Variants in RAB6B observed in about 807,000 individuals in gnomAD.
RAB6B encodes ras-related protein Rab-6B.
RAB6B carries 7 observed loss-of-function variants against 31.2 expected under a neutral mutation model. That is an observed-to-expected ratio of 0.22 (90% confidence interval 0.13 to 0.42). RAB6B has a LOEUF of 0.42. RAB6B is among the 10% of genes least tolerant of loss of function. RAB6B has a pLI of 1.00. For missense variants in RAB6B, 149 were observed against 280.6 expected, an observed-to-expected ratio of 0.53 and a Z score of 3.35; for synonymous variants, 105 against 104.9, an observed-to-expected ratio of 1.00 and a Z score of -0.01.
chr3:133,870,598 G>A (rs1936310377), intron 1 of RAB6B, among the ~76,000 whole-genome samples: 1 of 152,130 alleles, frequency 6.6e-6, no homozygotes. Context: ...ACCATTAGAT[G>A]CTAGAGCTAT....
At chr3:133,891,563 A>G (rs1052251036) in intron 1 of RAB6B, among the ~76,000 whole-genome samples, 6 of 152,088 alleles carry the variant, frequency 3.9e-5, no homozygotes, top group African/African-American at 9.7e-5. Flanking sequence ...CCTTTACTGT[A>G]ATTATATCCA....
intron 2 of RAB6B, among the ~76,000 whole-genome samples, chr3:133,845,049 T>A (rs1193293744): frequency 6.6e-6 from 1 of 151,950 alleles, no homozygotes; most frequent in Non-Finnish European, 1.5e-5. Flanking sequence ...AACTCCCCAG[T>A]CCCACCAAAT....
chr3:133,864,079 A>G (rs1411532343), intron 2 of RAB6B, among the ~76,000 whole-genome samples: 1 of 149,384 alleles, frequency 6.7e-6, no homozygotes, highest in Non-Finnish European at 1.5e-5. Flanking sequence ...GGGCAAGCTC[A>G]TCGCACCAGC....
intron 2 of RAB6B, among the ~76,000 whole-genome samples, chr3:133,846,882 C>T (rs779057924): frequency 1.3e-5 from 2 of 152,136 alleles, no homozygotes; most frequent in Non-Finnish European, 2.9e-5. Context: ...AAAATGAAGA[C>T]AAAACATAAA....
chr3:133,834,472 G>T, intron 7 of RAB6B, 103 bp downstream of exon 7: 1 of 1,289,778 alleles, frequency 7.8e-7, no homozygotes, highest in Non-Finnish European at 1.1e-6. Context: ...ACCAGGGAAG[G>T]CTGGGCGGGG....
At chr3:133,848,920 A>C (rs1287589209) in intron 2 of RAB6B, among the ~76,000 whole-genome samples, 2 of 152,216 alleles carry the variant, frequency 1.3e-5, no homozygotes, top group African/African-American at 4.8e-5. Context: ...ACTGCCTCTA[A>C]GAGATAGCTC....
At chr3:133,847,715 C>T (rs566831321) in intron 2 of RAB6B, among the ~76,000 whole-genome samples, 57 of 152,324 alleles carry the variant, frequency 3.7e-4, no homozygotes, top group Middle Eastern at 3.4e-3. Flanking sequence ...GCCCATAGCT[C>T]TTGCTATGGT....
In RAB6B at chr3:133,830,485, G is replaced by T. The variant is rs138636977; in HGVS notation, c.563-1633C>A. On this transcript the variant is annotated intron_variant, in intron 7 of 7. Coordinates refer to ENST00000285208, the MANE Select transcript of RAB6B (RefSeq NM_016577.4). ...TTTCCCTGCTTTAAACACGTCCTAT[G>T]CTTTCCTTCTTTCCTTTGTTCATGC... Among the ~76,000 whole-genome samples the T allele has an allele frequency of 3.7e-3, 556 of 152,282 alleles. 5 individuals carry two copies. The highest frequency in any genetic ancestry group is 0.013 in the African/African-American group (531 of 41,564).
Position 133,876,898 on chromosome 3 carries a change from A to G in RAB6B, c.71-12256T>C, listed in dbSNP as rs188613517. On this transcript the variant is annotated intron_variant, in intron 1 of 7. Coordinates refer to ENST00000285208, the MANE Select transcript of RAB6B (RefSeq NM_016577.4). Reference sequence around the variant, plus strand: ...ATGTTCCCTATAAACAAATGAATACACACACAAAAAAAAAAGGTCCCAAGA... The same window carrying G: ...ATGTTCCCTATAAACAAATGAATACGCACACAAAAAAAAAAGGTCCCAAGA... Among the ~76,000 whole-genome samples, 879 of 152,066 alleles carry G rather than the reference A, an allele frequency of 5.8e-3. 4 individuals are homozygous for G. The highest frequency in any genetic ancestry group is 9.5e-3 in the Non-Finnish European group (648 of 68,016).
chr3:133,876,905 A>C (rs2715613), intron 1 of RAB6B, among the ~76,000 whole-genome samples: 42,603 of 151,128 alleles, frequency 0.28, 8,091 homozygotes, highest in African/African-American at 0.54. Context: ...TACACACACA[A>C]AAAAAAAAGG....
At chr3:133,849,738 A>ATATATATG (rs1935952103) in intron 2 of RAB6B, among the ~76,000 whole-genome samples, 2 of 152,206 alleles carry the variant, frequency 1.3e-5, no homozygotes, top group Non-Finnish European at 2.9e-5. Context: ...TGGGGGTCAC[A>ATATATATG]AACTATCTGG....
At chr3:133,863,612 C>T (rs971531080) in intron 2 of RAB6B, among the ~76,000 whole-genome samples, 1 of 152,140 alleles carries the variant, frequency 6.6e-6, no homozygotes, top group African/African-American at 2.4e-5. Flanking sequence ...CTCCGAGAAG[C>T]CCTGCAGCAC....
chr3:133,864,733 C>A (rs3811646), intron 1 of RAB6B, 91 bp from the exon 2 acceptor site: 1 of 1,279,926 alleles, frequency 7.8e-7, no homozygotes. Flanking sequence ...ATAACAAAAC[C>A]AAAAAGCACA....
intron 1 of RAB6B, among the ~76,000 whole-genome samples, chr3:133,886,717 A>C (rs376216630): frequency 1.3e-5 from 2 of 152,212 alleles, no homozygotes; most frequent in African/African-American, 4.8e-5. Flanking sequence ...ACAATACAGA[A>C]ATGATCAATG....
At chr3:133,834,167 G>A (rs189705402) in intron 7 of RAB6B, among the ~76,000 whole-genome samples, 36 of 151,688 alleles carry the variant, frequency 2.4e-4, no homozygotes, top group Non-Finnish European at 2.9e-4. Context: ...CTGTCTGAAG[G>A]GGGGAGCTGT....
chr3:133,891,956 G>A (rs1161557768), intron 1 of RAB6B, among the ~76,000 whole-genome samples: 2 of 152,160 alleles, frequency 1.3e-5, no homozygotes, highest in African/African-American at 2.4e-5. Flanking sequence ...GGAAGGGGAG[G>A]TCAGAAGAAG....
intron 7 of RAB6B, among the ~76,000 whole-genome samples, chr3:133,834,366 GGAA>G (rs1234954785): frequency 2.6e-5 from 4 of 152,260 alleles, no homozygotes; most frequent in Admixed American, 1.3e-4. Context: ...CTGCTATTCT[GGAA>G]GAAGAAGTAG....
intron 2 of RAB6B, among the ~76,000 whole-genome samples, chr3:133,843,057 C>G (rs1246598189): frequency 6.6e-6 from 1 of 152,248 alleles, no homozygotes; most frequent in Non-Finnish European, 1.5e-5. Context: ...TACACAGTCA[C>G]ACTCCCAACT....
chr3:133,853,439 A>C (rs1312254594), intron 2 of RAB6B, among the ~76,000 whole-genome samples: 3 of 151,658 alleles, frequency 2.0e-5, no homozygotes, highest in Admixed American at 1.3e-4. Flanking sequence ...AGGACGCTCC[A>C]CAGGCCCTTG....
Sources: allele counts gnomAD v4.1 joint callset (sites outside exome capture counted in the v4.1 genomes callset), GRCh38; gene constraint gnomAD v4.1.1; transcripts MANE v1.5; gene names NCBI Gene and HGNC (gene_info 2026-07-23, HGNC 2026-07-21).